The following STK39 variants were observed in gnomAD, a reference collection of about 807,000 sequenced individuals.
STK39 encodes the protein STE20/SPS1-related proline-alanine-rich protein kinase.
STK39 carries 20 observed loss-of-function variants against 77.8 expected under a neutral mutation model. That is an observed-to-expected ratio of 0.26 (90% CI 0.18 to 0.37). STK39 has a LOEUF of 0.37. Among genes scored for constraint, STK39 ranks in the 10% least tolerant of loss-of-function variants. STK39 has a pLI of 1.00. For synonymous variants in STK39, 246 were observed against 234.1 expected (o/e 1.05, Z -0.47); for missense variants, 479 against 656.5 (o/e 0.73, Z 2.95).
chr2:168,232,626 A>G (rs10930314), intron 1 of STK39, among the ~76,000 whole-genome samples: 60,914 of 152,050 alleles, frequency 0.4, 13,213 homozygotes, highest in Non-Finnish European at 0.5. Flanking sequence ...GGAACAGGAC[A>G]TGAAGGCCAG....
intron 14 of STK39, among the ~76,000 whole-genome samples, chr2:168,062,081 T>C (rs1235957367): frequency 6.6e-6 from 1 of 152,054 alleles, no homozygotes; most frequent in Non-Finnish European, 1.5e-5. Context: ...TAGGTAAACA[T>C]CCAGCAGAGA....
chr2:168,099,969 A>C (rs1686776715), intron 10 of STK39, among the ~76,000 whole-genome samples: 1 of 152,218 alleles, frequency 6.6e-6, no homozygotes, highest in African/African-American at 2.4e-5. Flanking sequence ...AGCCTATTTC[A>C]AGTGGAACAA....
chr2:168,071,821 G>A (rs928003341), intron 12 of STK39, among the ~76,000 whole-genome samples: 5 of 148,946 alleles, frequency 3.4e-5, no homozygotes, highest in Non-Finnish European at 7.4e-5. Context: ...AGAGAGCCGA[G>A]ATTGCGCCAC....
At chr2:168,024,498 T>C (rs1410500338) in intron 14 of STK39, among the ~76,000 whole-genome samples, 1 of 152,182 alleles carries the variant, frequency 6.6e-6, no homozygotes, top group Non-Finnish European at 1.5e-5. Context: ...ATGCCAATTC[T>C]AAAAGCGCTT....
At position 168,039,501 on chromosome 2, in the gene STK39, A is replaced by T. The variant is rs1210697812; in HGVS notation, c.1377-22406T>A. Reference sequence around the variant, plus strand: ...CAGCTACTCGGGAGGCTGAGGCAGGAGAATGGCGTGAACCCGGGAAGCGGA... The same window carrying T: ...CAGCTACTCGGGAGGCTGAGGCAGGTGAATGGCGTGAACCCGGGAAGCGGA... On this transcript the variant is annotated intron_variant, in intron 14 of 17. Coordinates refer to ENST00000355999, the MANE Select transcript of STK39 (RefSeq NM_013233.3). Among the ~76,000 whole-genome samples, 2 of 56,864 alleles carry T rather than the reference A, an allele frequency of 3.5e-5. 1 individual carries two copies. The highest frequency in any genetic ancestry group is 9.9e-5 in the African/African-American group (2 of 20,104). 37.3% of individuals were successfully genotyped at this position (56,864 alleles called of 152,430 possible).
chr2:168,182,159 T>G, intron 1 of STK39, 69 bp from the exon 2 acceptor site: 1 of 1,309,974 alleles, frequency 7.6e-7, no homozygotes, highest in Non-Finnish European at 1.1e-6. Context: ...GTAACTATTT[T>G]CCTAAAGATC....
intron 10 of STK39, among the ~76,000 whole-genome samples, chr2:168,128,591 C>T (rs1178235195): frequency 6.6e-6 from 1 of 152,218 alleles, no homozygotes; most frequent in East Asian, 1.9e-4. Flanking sequence ...CAGAATGGGA[C>T]ATTTCTTAAA....
At chr2:168,237,599 ATTATT>A (rs1230309031) in intron 1 of STK39, among the ~76,000 whole-genome samples, 2 of 152,108 alleles carry the variant, frequency 1.3e-5, no homozygotes, top group Non-Finnish European at 2.9e-5. Flanking sequence ...GATAGCTCTT[ATTATT>A]TTGAGATACG....
At position 168,136,296 on chromosome 2, in the gene STK39, G is replaced by A. The variant is rs189521990; in HGVS notation, c.974+1792C>T. ...AGGCAGGAGAATCACTTGAACCCGG[G>A]AGGTAGAGGTTGCAGTGAGCCAAGA... On this transcript the variant is annotated intron_variant, in intron 8 of 17. Transcript: ENST00000355999. 6.3e-3 allele frequency among the ~76,000 whole-genome samples: 946 copies of A among 150,840 alleles called. 12 individuals carry two copies. The highest frequency in any genetic ancestry group is 0.022 in the African/African-American group (898 of 41,062).
intron 14 of STK39, among the ~76,000 whole-genome samples, chr2:168,023,542 CAG>C (rs1002309896): frequency 2.0e-5 from 3 of 152,088 alleles, no homozygotes; most frequent in African/African-American, 7.2e-5. Context: ...GACAATCTGA[CAG>C]AGTTATTGCT....
intron 1 of STK39, among the ~76,000 whole-genome samples, chr2:168,238,318 G>A (rs1424675081): frequency 6.6e-6 from 1 of 151,998 alleles, no homozygotes; most frequent in Non-Finnish European, 1.5e-5. Context: ...TAGCTCCAGT[G>A]GTAACTAAAA....
At chr2:168,126,877 G>T (rs1174000025) in intron 10 of STK39, among the ~76,000 whole-genome samples, 1 of 152,082 alleles carries the variant, frequency 6.6e-6, no homozygotes, top group African/African-American at 2.4e-5. Context: ...AGCAAAACAG[G>T]CCACTCTCTT....
chr2:168,246,869 C>A (rs535328320), intron 1 of STK39, among the ~76,000 whole-genome samples: 2 of 151,784 alleles, frequency 1.3e-5, no homozygotes, highest in South Asian at 2.1e-4. Context: ...GCGTGGCCAC[C>A]GGCCACGGGC....
intron 10 of STK39, among the ~76,000 whole-genome samples, chr2:168,101,206 G>C (rs532843567): frequency 6.6e-6 from 1 of 152,094 alleles, no homozygotes; most frequent in Non-Finnish European, 1.5e-5. Flanking sequence ...AGGGCTTGTC[G>C]GGGGTTAGGG....
At chr2:168,112,066 A>G (rs1379038115) in intron 10 of STK39, among the ~76,000 whole-genome samples, 1 of 152,120 alleles carries the variant, frequency 6.6e-6, no homozygotes, top group South Asian at 2.1e-4. Flanking sequence ...TTAACTTACA[A>G]TCCATTAATT....
At chr2:168,055,865 T>G (rs1294006172) in intron 14 of STK39, among the ~76,000 whole-genome samples, 2 of 152,244 alleles carry the variant, frequency 1.3e-5, no homozygotes, top group East Asian at 3.8e-4. Flanking sequence ...TGTATTACCA[T>G]CTACTGACAG....
At chr2:168,048,471 C>T (rs914741125) in intron 14 of STK39, among the ~76,000 whole-genome samples, 1 of 151,578 alleles carries the variant, frequency 6.6e-6, no homozygotes, top group African/African-American at 2.4e-5. Flanking sequence ...CTTGGCCTCC[C>T]AAAGTGCTGG....
intron 14 of STK39, among the ~76,000 whole-genome samples, chr2:168,035,790 T>C (rs1040191150): frequency 6.6e-5 from 10 of 152,210 alleles, no homozygotes; most frequent in African/African-American, 2.4e-4. Flanking sequence ...TGTGCTGTCC[T>C]TAAGATAATT....
At chr2:168,140,483 T>C (rs1350755305) in intron 6 of STK39, 93 bp from the exon 7 acceptor site, 28 of 1,254,858 alleles carry the variant, frequency 2.2e-5, no homozygotes, top group African/African-American at 4.4e-5. Flanking sequence ...CAGCTGTTGA[T>C]GTATAACTTT....
Sources: allele counts gnomAD v4.1 joint callset (sites outside exome capture counted in the v4.1 genomes callset), GRCh38; gene constraint gnomAD v4.1.1; transcripts MANE v1.5; gene names NCBI Gene and HGNC (gene_info 2026-07-23, HGNC 2026-07-21).